MINDY3: variants seen among roughly 807,000 people sequenced by gnomAD.
MINDY3 encodes the protein ubiquitin carboxyl-terminal hydrolase MINDY-3.
In MINDY3, 38 loss-of-function variants were observed where a neutral mutation model predicts 69.2. That is an observed-to-expected ratio of 0.55 (90% CI 0.42 to 0.72). MINDY3 has a LOEUF of 0.72. Among genes scored for constraint, MINDY3 ranks in the 30% least tolerant of loss-of-function variants. The probability of loss-of-function intolerance (pLI) is 0.00; values close to 1 mark genes in which losing one functional copy is unlikely to be tolerated. For synonymous variants in MINDY3, 192 were observed against 180.1 expected (o/e 1.07, Z -0.53); for missense variants, 522 against 519.0 (o/e 1.01, Z -0.06).
intron 10 of MINDY3, among the ~76,000 whole-genome samples, chr10:15,806,166 T>G (rs1838625379): frequency 1.3e-5 from 2 of 152,090 alleles, no homozygotes; most frequent in Admixed American, 1.3e-4. Context: ...AACCTAATAT[T>G]CTGGCTGGGG....
chr10:15,809,613 C>A (rs1400913566), intron 10 of MINDY3, among the ~76,000 whole-genome samples: 1 of 152,072 alleles, frequency 6.6e-6, no homozygotes, highest in African/African-American at 2.4e-5. Flanking sequence ...GGTCCATTTA[C>A]GTACTGCATT....
chr10:15,859,711 C>A (rs138081865), intron 1 of MINDY3, among the ~76,000 whole-genome samples: 1 of 152,268 alleles, frequency 6.6e-6, no homozygotes, highest in African/African-American at 2.4e-5. Flanking sequence ...CACAGACTAC[C>A]ACGCCTAACC....
rs369315748 is a variant in MINDY3 at position 15,816,297 on chromosome 10, T to G, written c.882+538A>C. Among the ~76,000 whole-genome samples, 53 of 124,248 alleles carry G rather than the reference T, an allele frequency of 4.3e-4. 1 individual carries two copies. The highest frequency in any genetic ancestry group is 1.7e-3 in the African/African-American group (51 of 29,770). 81.5% of individuals were successfully genotyped at this position (124,248 alleles called of 152,430 possible). On this transcript the variant is annotated intron_variant, in intron 10 of 14. Coordinates refer to ENST00000277632, the MANE Select transcript of MINDY3 (RefSeq NM_024948.4). ...AAAAAAAAATGAAAAAGAAAAAAAA[T>G]AAAAAAGACAAGAAAAGAAATATTC...
intron 3 of MINDY3, 43 bp from the exon 4 acceptor site, chr10:15,841,642 A>G: frequency 1.5e-6 from 2 of 1,348,692 alleles, no homozygotes; most frequent in Non-Finnish European, 1.0e-6. Context: ...TTCCTCTGGA[A>G]AAAAAAAAAT....
intron 10 of MINDY3, among the ~76,000 whole-genome samples, chr10:15,808,898 G>T (rs1220343864): frequency 6.6e-6 from 1 of 151,996 alleles, no homozygotes; most frequent in African/African-American, 2.4e-5. Context: ...CTATAGGCAG[G>T]GTCCAACTAT....
At chr10:15,800,604 CATG>C (rs1179871479) in intron 10 of MINDY3, among the ~76,000 whole-genome samples, 2 of 151,992 alleles carry the variant, frequency 1.3e-5, no homozygotes, top group African/African-American at 4.8e-5. Context: ...GAAAAAAAAC[CATG>C]GAACCCATAT....
At chr10:15,788,616 T>A (rs1837161608) in intron 12 of MINDY3, among the ~76,000 whole-genome samples, 1 of 152,094 alleles carries the variant, frequency 6.6e-6, no homozygotes, top group Non-Finnish European at 1.5e-5. Flanking sequence ...AATACATGTA[T>A]CCACTTAAGA....
intron 8 of MINDY3, among the ~76,000 whole-genome samples, chr10:15,828,692 T>C (rs1467065915): frequency 1.3e-5 from 2 of 152,194 alleles, no homozygotes; most frequent in African/African-American, 4.8e-5. Context: ...ACATGTTTAC[T>C]ACAGCAGTTT....
chr10:15,856,890 T>C (rs1432569159), intron 1 of MINDY3, among the ~76,000 whole-genome samples: 1 of 152,202 alleles, frequency 6.6e-6, no homozygotes, highest in African/African-American at 2.4e-5. Context: ...TGGTCCAAGA[T>C]AGCATCTTTT....
rs1223423262 is a variant in MINDY3, at chr10:15,792,538, T to C, written c.956-3219A>G. ...GCAAGGGCACAGGGAGGAGCATTTATTTAAAAGGAACAGAAAAGACAAGGC... is the reference window on the plus strand; with the variant it reads ...GCAAGGGCACAGGGAGGAGCATTTACTTAAAAGGAACAGAAAAGACAAGGC... On this transcript the variant is annotated intron_variant, in intron 11 of 14. Transcript: ENST00000277632. Among the ~76,000 whole-genome samples the C allele has an allele frequency of 3.3e-5, 5 of 152,006 alleles. No individual in the cohort carries two copies. In the East Asian group the frequency reaches 9.7e-4, roughly 29 times the overall value.
chr10:15,815,572 A>T (rs1379482479), intron 10 of MINDY3, among the ~76,000 whole-genome samples: 1 of 152,236 alleles, frequency 6.6e-6, no homozygotes, highest in African/African-American at 2.4e-5. Context: ...AACCTCTAAA[A>T]TACAATTCTG....
chr10:15,779,268 AT>A, intron 14 of MINDY3, 127 bp from the exon 15 acceptor site: 1 of 690,664 alleles, frequency 1.4e-6, no homozygotes, highest in Non-Finnish European at 2.2e-6. Context: ...TTGACATGTA[AT>A]TTTATTTTGC....
intron 9 of MINDY3, among the ~76,000 whole-genome samples, chr10:15,818,635 A>G (rs1294876567): frequency 1.3e-5 from 2 of 152,230 alleles, no homozygotes; most frequent in Non-Finnish European, 2.9e-5. Context: ...TAACATACAA[A>G]AGAATATTAT....
At position 15,821,650 on chromosome 10, in the gene MINDY3, A is replaced by G; in HGVS notation, c.801+6T>C. 1.9e-6 allele frequency: 3 copies of G among 1,601,538 alleles called. No individual in the cohort carries two copies. The highest frequency in any genetic ancestry group is 2.6e-6 in the Non-Finnish European group (3 of 1,172,612). ...AACATTCAAAGTACCTTAAAAATCAATTTACCTTACAGTATCTTAAAGCTT... is the reference window on the plus strand; with the variant it reads ...AACATTCAAAGTACCTTAAAAATCAGTTTACCTTACAGTATCTTAAAGCTT... On this transcript the variant is annotated splice_donor_region_variant and intron_variant, in intron 9 of 14. Coordinates refer to ENST00000277632, the MANE Select transcript of MINDY3 (RefSeq NM_024948.4).
intron 14 of MINDY3, among the ~76,000 whole-genome samples, chr10:15,779,373 A>G (rs112160214): frequency 0.012 from 1,856 of 152,312 alleles, 31 homozygotes; most frequent in African/African-American, 0.04. Context: ...TTTTTAAAAA[A>G]TTCAAGATCA....
intron 8 of MINDY3, among the ~76,000 whole-genome samples, chr10:15,823,056 T>C (rs962816373): frequency 2.0e-5 from 3 of 152,172 alleles, no homozygotes; most frequent in Non-Finnish European, 4.4e-5. Flanking sequence ...TCAATGAATG[T>C]AGTAAGAATA....
intron 13 of MINDY3, among the ~76,000 whole-genome samples, chr10:15,785,431 T>A (rs754514925): frequency 2.6e-5 from 4 of 152,200 alleles, no homozygotes; most frequent in Non-Finnish European, 4.4e-5. Flanking sequence ...ATATTCTTTT[T>A]ATTATAACTA....
chr10:15,833,456 C>T (rs1254290491), intron 8 of MINDY3, among the ~76,000 whole-genome samples, 174 bp downstream of exon 8: 1 of 152,094 alleles, frequency 6.6e-6, no homozygotes, highest in Non-Finnish European at 1.5e-5. Flanking sequence ...TTGCCTGGCT[C>T]CAAGATTAAT....
At chr10:15,813,378 C>A (rs1839142532) in intron 10 of MINDY3, among the ~76,000 whole-genome samples, 1 of 152,154 alleles carries the variant, frequency 6.6e-6, no homozygotes, top group Admixed American at 6.5e-5. Flanking sequence ...CCCCTCTCTT[C>A]CTCTGGTTTA....
Sources: gnomAD v4.1 joint callset for allele counts (sites outside exome capture counted in the v4.1 genomes callset) on GRCh38, gnomAD v4.1.1 for gene constraint, MANE v1.5 for transcripts, NCBI Gene and HGNC (gene_info 2026-07-23, HGNC 2026-07-21) for gene names.